The following GPR63 variants were observed in gnomAD, a reference collection of about 807,000 sequenced individuals.
GPR63 encodes probable G protein-coupled receptor 63.
In GPR63, 12 loss-of-function variants were observed where a neutral mutation model predicts 23.1. The observed-to-expected ratio is 0.52, with a 90% CI of 0.33 to 0.84. The LOEUF is 0.84. Ranked by LOEUF, GPR63 falls within the 40% of genes least tolerant of loss-of-function variation. The pLI is 0.02. For missense variants in GPR63, 472 were observed against 515.6 expected, an observed-to-expected ratio of 0.92 and a Z score of 0.82; for synonymous variants, 172 against 191.1, an observed-to-expected ratio of 0.90 and a Z score of 0.82.
chr6:96,829,803 A>G (rs1774533368), intron 1 of GPR63, among the ~76,000 whole-genome samples: 1 of 152,208 alleles, frequency 6.6e-6, no homozygotes, highest in Admixed American at 6.5e-5. Context: ...TGAGCTAAGC[A>G]CTCAACCTAA....
chr6:96,817,161 C>T (rs948230297), intron 1 of GPR63, among the ~76,000 whole-genome samples: 1 of 152,022 alleles, frequency 6.6e-6, no homozygotes, highest in African/African-American at 2.4e-5. Context: ...AGATAAACAA[C>T]CCAGGCTGAA....
rs1023783418 is a variant in GPR63, at chr6:96,808,643, T to A, written c.-150-8762A>T. On this transcript the variant is annotated intron_variant, in intron 1 of 1. Coordinates refer to ENST00000229955, the MANE Select transcript of GPR63 (RefSeq NM_030784.4). ...TTCAGAAGAGTTTCACAGGCTGAAG[T>A]GCTGAGGGCTTCCATAAAACTCTGC... Among the ~76,000 whole-genome samples, 7 of 152,196 alleles carry A rather than the reference T, an allele frequency of 4.6e-5. 1 individual carries two copies. Among genetic ancestry groups the A allele is most frequent in the Non-Finnish European group, 1.0e-4 (7 of 68,048 alleles).
At chr6:96,803,987 T>A (rs1773835998) in intron 1 of GPR63, among the ~76,000 whole-genome samples, 1 of 152,222 alleles carries the variant, frequency 6.6e-6, no homozygotes, top group African/African-American at 2.4e-5. Flanking sequence ...ATACACATGT[T>A]TATACAAACA....
Position 96,798,653 on chromosome 6 carries a change from C to T in GPR63, c.1079G>A (p.Cys360Tyr). Reference sequence around the variant, plus strand: ...CGGATTCAATGCAGACTTGAGGTAGCAGAGCCACAGTAGCCAGGTGCTAAT... The same window carrying T: ...CGGATTCAATGCAGACTTGAGGTAGTAGAGCCACAGTAGCCAGGTGCTAAT... ...FEISTWLLWL[C>Y]YLKSALNPLI... Residue 360 changes from cysteine to tyrosine, a missense_variant, in exon 2 of 2, where the codon TGC becomes TAC. Cys to Tyr is a radical substitution (Grantham distance 194). Transcript: ENST00000229955. The T allele has an allele frequency of 2.5e-6, 4 of 1,614,200 alleles. No homozygotes were observed. Among genetic ancestry groups the T allele is most frequent in the Non-Finnish European group, 1.7e-6 (2 of 1,180,038 alleles).
chr6:96,799,345 C>T lies in GPR63; in HGVS notation c.387G>A (p.Leu129=), dbSNP rs763084317. The change falls in exon 2 of 2, where the codon TTG becomes TTA. Residue 129 remains leucine, a synonymous_variant. Transcript: ENST00000229955. ...LLASLAFADM[L]LAVLNMPFAL... ...CAAAGGGCATGTTCAGCACTGCAAG[C>T]AACATGTCTGCAAAAGCTAGGCTGG... 6.2e-7 allele frequency: 1 copy of T among 1,614,122 alleles called. No homozygotes were observed. The highest frequency in any genetic ancestry group is 1.1e-5 in the South Asian group (1 of 91,086).
intron 1 of GPR63, among the ~76,000 whole-genome samples, chr6:96,818,098 T>C (rs538828366): frequency 6.6e-6 from 1 of 152,076 alleles, no homozygotes; most frequent in African/African-American, 2.4e-5. Flanking sequence ...AAATATTTTT[T>C]AAAATGCTAA....
In GPR63 at chr6:96,798,441, C is replaced by T; in HGVS notation, c.*31G>A. On this transcript the variant is annotated 3_prime_UTR_variant, in exon 2 of 2. Transcript: ENST00000229955. ...GAATTCAATGTCAATAAAGAACAAG[C>T]ATCACCCAAAATGTCAGCCAGTTCC... 2 of 1,597,974 alleles carry T rather than the reference C, an allele frequency of 1.3e-6. No homozygotes were observed. The highest frequency in any genetic ancestry group is 2.2e-5 in the East Asian group (1 of 44,668).
At position 96,827,954 on chromosome 6, in the gene GPR63, A is replaced by G. The variant is rs146674727; in HGVS notation, c.-151+9314T>C. Among the ~76,000 whole-genome samples, 57 of 152,296 alleles carry G rather than the reference A, an allele frequency of 3.7e-4. No homozygotes were observed. In the East Asian group the frequency reaches 0.011, roughly 28 times the overall value. ...ACTGGGTGGAAAGATAATAATGAATAAAGAACTAAATATAACAGATACTGT... is the reference window on the plus strand; with the variant it reads ...ACTGGGTGGAAAGATAATAATGAATGAAGAACTAAATATAACAGATACTGT... On this transcript the variant is annotated intron_variant, in intron 1 of 1. Coordinates refer to ENST00000229955, the MANE Select transcript of GPR63 (RefSeq NM_030784.4).
Position 96,799,029 on chromosome 6 carries a change from T to C in GPR63, c.703A>G (p.Thr235Ala), listed in dbSNP as rs372860982. ...ACATAAGCCTGGTAGCCTGGATTGG[T>C]TGTGTACCCAAACACACACTGGGGA... ...RAPQCVFGYT[T>A]NPGYQAYVIL... Residue 235 changes from threonine (T) to alanine (A), a missense_variant, in exon 2 of 2, where the codon ACC becomes GCC. Thr to Ala is a moderately conservative substitution (Grantham distance 58). Transcript: ENST00000229955. 1.2e-5 allele frequency: 19 copies of C among 1,613,976 alleles called. No homozygotes were observed. The highest frequency in any genetic ancestry group is 1.1e-4 in the African/African-American group (8 of 74,902).
chr6:96,829,421 G>A (rs533551165), intron 1 of GPR63, among the ~76,000 whole-genome samples: 1 of 152,282 alleles, frequency 6.6e-6, no homozygotes, highest in East Asian at 1.9e-4. Context: ...GGACAGGCAC[G>A]GTGGCTGATG....
At chr6:96,834,817 ATT>A (rs1214182088) in intron 1 of GPR63, among the ~76,000 whole-genome samples, 3 of 152,162 alleles carry the variant, frequency 2.0e-5, no homozygotes, top group Non-Finnish European at 4.4e-5. Flanking sequence ...ATTTATACAT[ATT>A]GTTTTTCCAA....
At position 96,798,494 on chromosome 6, in the gene GPR63, C is replaced by G. The variant is rs1017217987; in HGVS notation, c.1238G>C (p.Gly413Ala). The stretch of plus-strand genomic sequence containing the variant: ...TATTCACACCACCGTCCGATGTTCC[C>G]CACACACATAGACAGCACTAGGACG... ...RIRPSAVYVC[G>A]EHRTVV The change falls in exon 2 of 2, where the codon GGG becomes GCG. Residue 413 changes from glycine (G) to alanine (A), a missense_variant. Physicochemically the swap from Gly to Ala is moderately conservative, Grantham distance 60 (BLOSUM62 0). Coordinates refer to ENST00000229955, the MANE Select transcript of GPR63 (RefSeq NM_030784.4). 1 of 1,613,852 alleles carries G rather than the reference C, an allele frequency of 6.2e-7. No individual in the cohort carries two copies. Among genetic ancestry groups the G allele is most frequent in the East Asian group, 2.2e-5 (1 of 44,866 alleles).
chr6:96,819,507 G>A (rs991548409), intron 1 of GPR63, among the ~76,000 whole-genome samples: 5 of 152,060 alleles, frequency 3.3e-5, no homozygotes, highest in African/African-American at 9.6e-5. Context: ...TCACACACTG[G>A]GGCCTGTCGG....
rs1360353087 is a variant in GPR63, at chr6:96,799,527, T to G, written c.205A>C (p.Thr69Pro). 3 of 1,614,140 alleles carry G rather than the reference T, an allele frequency of 1.9e-6. No individual in the cohort carries two copies. The highest frequency in any genetic ancestry group is 3.3e-5 in the Admixed American group (2 of 60,020). The stretch of plus-strand genomic sequence containing the variant: ...TTTAGGCTCTTAAATGCTGCTGGTG[T>G]TGTGGGCACAGCTGTACTATTCACG... ...LTVNSTAVPT[T>P]PAAFKSLNLP... Residue 69 changes from threonine to proline, a missense_variant, in exon 2 of 2, where the codon ACA becomes CCA. Coordinates refer to ENST00000229955, the MANE Select transcript of GPR63 (RefSeq NM_030784.4).
At position 96,797,103 on chromosome 6, in the gene GPR63, T is replaced by C. The variant is rs914558549; in HGVS notation, c.*1369A>G. The C allele has an allele frequency of 2.0e-5, 3 of 152,048 alleles. No homozygotes were observed. The highest frequency in any genetic ancestry group is 7.3e-5 in the African/African-American group (3 of 41,374). The allele number at this position is 152,048 out of a possible 1,614,324, so 9.4% of individuals were successfully genotyped here. A position where few individuals can be genotyped will look rare whatever the true frequency, so the allele number is the denominator to read the frequency against. Reference sequence around the variant, plus strand: ...TGGCACACACCTGTGTGTGCGTGTGTGTGTGTGGTTCCAGCTATTCAGGAG... The same window carrying C: ...TGGCACACACCTGTGTGTGCGTGTGCGTGTGTGGTTCCAGCTATTCAGGAG... On this transcript the variant is annotated 3_prime_UTR_variant, in exon 2 of 2. Coordinates refer to ENST00000229955, the MANE Select transcript of GPR63 (RefSeq NM_030784.4).
chr6:96,832,643 A>G (rs2127962347), intron 1 of GPR63, among the ~76,000 whole-genome samples: 1 of 152,210 alleles, frequency 6.6e-6, no homozygotes, highest in South Asian at 2.1e-4. Context: ...ATGAGGGTGG[A>G]GGGTAGGAGT....
chr6:96,830,881 G>A (rs1057456978), intron 1 of GPR63, among the ~76,000 whole-genome samples: 3 of 152,112 alleles, frequency 2.0e-5, no homozygotes, highest in Non-Finnish European at 4.4e-5. Flanking sequence ...TAGCCAGAGT[G>A]ATACTCAACT....
chr6:96,835,106 A>C (rs1300420284), intron 1 of GPR63, among the ~76,000 whole-genome samples: 1 of 152,192 alleles, frequency 6.6e-6, no homozygotes, highest in Non-Finnish European at 1.5e-5. Flanking sequence ...TGAATAGATA[A>C]ATGTGGTTAG....
chr6:96,817,624 G>A (rs1377129171), intron 1 of GPR63, among the ~76,000 whole-genome samples: 1 of 151,940 alleles, frequency 6.6e-6, no homozygotes, highest in East Asian at 1.9e-4. Flanking sequence ...ATAAATCAAC[G>A]TCATTATATT....
Sources: gnomAD v4.1 joint callset for allele counts (sites outside exome capture counted in the v4.1 genomes callset) on GRCh38, gnomAD v4.1.1 for gene constraint, MANE v1.5 for transcripts, NCBI Gene and HGNC (gene_info 2026-07-23, HGNC 2026-07-21) for gene names.